DUOX2: variants seen among roughly 807,000 people sequenced by gnomAD.
The protein encoded by DUOX2 is NADH/NADPH thyroid oxidase p138-tox.
A neutral mutation model predicts 183.3 loss-of-function variants in DUOX2; 185 were observed. The observed-to-expected ratio is 1.01, with a 90% CI of 0.90 to 1.14. DUOX2 has a LOEUF of 1.14. Among genes scored for constraint, DUOX2 ranks in the 50% most tolerant of loss-of-function variants. The pLI, the probability that DUOX2 is intolerant of heterozygous loss-of-function variation, is 0.00. For missense variants in DUOX2, 1,999 were observed against 2,022.9 expected, an observed-to-expected ratio of 0.99 and a Z score of 0.23; for synonymous variants, 788 against 812.4, an observed-to-expected ratio of 0.97 and a Z score of 0.51.
Position 45,094,621 on chromosome 15 carries a change from T to C in DUOX2, c.4466A>G (p.His1489Arg). ...SLFTGLRSIT[H>R]FGRPPFEPFF... ...GGGCTCGAAGGGGGGACGGCCAAAG[T>C]GGGTGATGGAGCGCAGGCCCGTGAA... Residue 1489 changes from histidine (H) to arginine (R), a missense_variant, in exon 33 of 34, where the codon CAC (histidine) becomes CGC (arginine). Physicochemically the swap from His to Arg is conservative, Grantham distance 29. Transcript: ENST00000389039. 2 of 1,613,864 alleles carry C rather than the reference T, an allele frequency of 1.2e-6. No individual in the cohort carries two copies. The highest frequency in any genetic ancestry group is 1.7e-6 in the Non-Finnish European group (2 of 1,179,942).
chr15:45,109,479 G>A (rs889048812), intron 11 of DUOX2, 45 bp downstream of exon 11: 9 of 1,582,702 alleles, frequency 5.7e-6, no homozygotes, highest in South Asian at 1.1e-5. Context: ...GGATCCTCAG[G>A]CTTCCTGGTC....
chr15:45,113,315 C>T, intron 2 of DUOX2, 27 bp downstream of exon 2: 1 of 1,553,352 alleles, frequency 6.4e-7, no homozygotes, highest in Non-Finnish European at 8.7e-7. Flanking sequence ...GGGGAACACC[C>T]CGCCGCTAGA....
At position 45,112,573 on chromosome 15, in the gene DUOX2, G is replaced by T. The variant is rs770729810; in HGVS notation, c.306C>A (p.Thr102=). Residue 102 remains threonine, a synonymous_variant, in exon 4 of 34, where the codon ACC becomes ACA. Coordinates refer to ENST00000389039, the MANE Select transcript of DUOX2 (RefSeq NM_001363711.2). ...CCTCACCAAAGAAGACCCCCAGTAC[G>T]GTGCGGTTGTGGAGCGACGGCAGGC... ...IAGLPSLHNR[T]VLGVFFGYHV... is the part of the protein sequence containing the mutation. 6.2e-7 allele frequency: 1 copy of T among 1,613,090 alleles called. No homozygotes were observed. Among genetic ancestry groups the T allele is most frequent in the African/African-American group, 1.3e-5 (1 of 75,002 alleles).
chr15:45,093,803 C>T lies in DUOX2; in HGVS notation c.*347G>A. 3.1e-6 allele frequency: 1 copy of T among 319,162 alleles called. No homozygotes were observed. Among genetic ancestry groups the T allele is most frequent in the Non-Finnish European group, 6.1e-6 (1 of 163,976 alleles). The allele number at this position is 319,162 out of a possible 1,614,324, so 19.8% of individuals were successfully genotyped here. A position where few individuals can be genotyped will look rare whatever the true frequency, so the allele number is the denominator to read the frequency against. ...CTCCCCACTTTGCTTGCCACGCCTG[C>T]CATGGCTTGAGCTGGGGTGAGGAGT... On this transcript the variant is annotated 3_prime_UTR_variant, in exon 34 of 34. Coordinates refer to ENST00000389039, the MANE Select transcript of DUOX2 (RefSeq NM_001363711.2).
chr15:45,093,877 G>A lies in DUOX2; in HGVS notation c.*273C>T, dbSNP rs1893823737. 4.4e-6 allele frequency: 2 copies of A among 455,916 alleles called. No homozygotes were observed. The highest frequency in any genetic ancestry group is 4.3e-5 in the South Asian group (2 of 47,040). 28.2% of individuals were successfully genotyped at this position (455,916 alleles called of 1,614,324 possible). On this transcript the variant is annotated 3_prime_UTR_variant, in exon 34 of 34. Coordinates refer to ENST00000389039, the MANE Select transcript of DUOX2 (RefSeq NM_001363711.2). ...CCTGACTGGTTGCGCACTTGCTAAG[G>A]GCAGGAAGTCTGGAGGGCTGCAGGA...
In DUOX2 at chr15:45,114,048, C is replaced by T; in HGVS notation, c.-90G>A. The T allele has an allele frequency of 4.9e-6, 1 of 205,964 alleles. No individual in the cohort carries two copies. The highest frequency in any genetic ancestry group is 1.0e-5 in the Non-Finnish European group (1 of 100,210). The allele number at this position is 205,964 out of a possible 1,614,324, so 12.8% of individuals were successfully genotyped here. On this transcript the variant is annotated 5_prime_UTR_variant, in exon 1 of 34. Transcript: ENST00000389039. Reference sequence around the variant, plus strand: ...CTTTGCTTCTGTGCTCTACTTCTTGCCTTCACCCTCACTCTTCCAGCTCCG... The same window carrying T: ...CTTTGCTTCTGTGCTCTACTTCTTGTCTTCACCCTCACTCTTCCAGCTCCG...
In DUOX2 at chr15:45,095,954, G is replaced by A. The variant is rs375194680; in HGVS notation, c.3954C>T (p.Phe1318=). 15 of 1,613,998 alleles carry A rather than the reference G, an allele frequency of 9.3e-6. No homozygotes were observed. Among genetic ancestry groups the A allele is most frequent in the Non-Finnish European group, 1.3e-5 (15 of 1,180,010 alleles). Residue 1318 remains phenylalanine (F), a synonymous_variant, in exon 30 of 34, where the codon TTC becomes TTT. Transcript: ENST00000389039. ...CCTCATGGGGCGCGGAGGTCAGTGT[G>A]AAGGGGTGGTACTCGGTGGTCCCCA... ...LALGTTEYHP[F]TLTSAPHEDT...
intron 9 of DUOX2, among the ~76,000 whole-genome samples, chr15:45,110,209 T>C (rs1894343086): frequency 6.6e-6 from 1 of 152,024 alleles, no homozygotes; most frequent in Non-Finnish European, 1.5e-5. Flanking sequence ...GCTAGACAAA[T>C]CCTACACCCA....
chr15:45,101,392 GT>G, intron 21 of DUOX2, 118 bp from the exon 22 acceptor site: 1 of 901,156 alleles, frequency 1.1e-6, no homozygotes, highest in Non-Finnish European at 1.8e-6. Context: ...CTCGAGTCCT[GT>G]TTCCCTCATT....
At chr15:45,106,496 C>G in intron 16 of DUOX2, 32 bp downstream of exon 16, 5 of 1,608,220 alleles carry the variant, frequency 3.1e-6, no homozygotes, top group Non-Finnish European at 4.3e-6. Context: ...CTCCTCCGTC[C>G]CTCCTCCCTC....
intron 21 of DUOX2, 197 bp from the exon 22 acceptor site, chr15:45,101,471 C>A: frequency 1.5e-6 from 1 of 653,054 alleles, no homozygotes; most frequent in South Asian, 1.8e-5. Flanking sequence ...AAGGGGACAT[C>A]CTCTTAGGTG....
At chr15:45,100,460 T>G (rs1894050980) in intron 23 of DUOX2, 2 of 609,460 alleles carry the variant, frequency 3.3e-6, no homozygotes, top group Non-Finnish European at 2.9e-6. Flanking sequence ...GTCTGTTTTA[T>G]CCTTCTTTCT....
intron 20 of DUOX2, among the ~76,000 whole-genome samples, chr15:45,103,258 C>T (rs1437457109): frequency 6.6e-6 from 1 of 152,206 alleles, no homozygotes; most frequent in Non-Finnish European, 1.5e-5. Context: ...TACATCTATA[C>T]TTTGTATTCA....
At chr15:45,099,245 C>T (rs545556663) in intron 26 of DUOX2, 138 bp downstream of exon 26, 10 of 678,320 alleles carry the variant, frequency 1.5e-5, no homozygotes, top group African/African-American at 7.1e-5. Context: ...CTCCTGACCT[C>T]GTGATCCGCC....
chr15:45,112,972 G>GC lies in DUOX2; in HGVS notation c.160+14dup. On this transcript the variant is annotated intron_variant, in intron 3 of 33. Coordinates refer to ENST00000389039, the MANE Select transcript of DUOX2 (RefSeq NM_001363711.2). ...CGAGCCACGGCCCCAGCACGCCCGGGCCCCCAGAACGCACCAACAGCACCA... is the reference window on the plus strand; with the variant it reads ...CGAGCCACGGCCCCAGCACGCCCGGGCCCCCCAGAACGCACCAACAGCACCA... 1 of 1,612,660 alleles carries GC rather than the reference G, an allele frequency of 6.2e-7. No homozygotes were observed.
At chr15:45,110,376 C>T in intron 9 of DUOX2, 52 bp downstream of exon 9, 15 of 1,543,220 alleles carry the variant, frequency 9.7e-6, no homozygotes, top group Non-Finnish European at 1.3e-5. Flanking sequence ...CAAGGCAGCT[C>T]ATTCTGCACC....
intron 20 of DUOX2, among the ~76,000 whole-genome samples, chr15:45,102,670 G>A (rs901082405): frequency 9.2e-5 from 14 of 152,154 alleles, no homozygotes; most frequent in African/African-American, 2.7e-4. Context: ...CAAGATACAC[G>A]CTGAGTTACA....
At chr15:45,102,053 G>A (rs1894098179) in intron 20 of DUOX2, 64 bp from the exon 21 acceptor site, 1 of 1,585,122 alleles carries the variant, frequency 6.3e-7, no homozygotes, top group African/African-American at 1.3e-5. Context: ...GTAGGTGCAG[G>A]GTGGGGCAGG....
chr15:45,105,908 T>C, intron 17 of DUOX2, 80 bp from the exon 18 acceptor site: 1 of 1,575,874 alleles, frequency 6.3e-7, no homozygotes, highest in South Asian at 1.1e-5. Flanking sequence ...GATCTTGGGT[T>C]GAGGGGAGGA....
Sources: gnomAD v4.1 joint callset for allele counts (sites outside exome capture counted in the v4.1 genomes callset) on GRCh38, gnomAD v4.1.1 for gene constraint, MANE v1.5 for transcripts, NCBI Gene and HGNC (gene_info 2026-07-23, HGNC 2026-07-21) for gene names.